Variants in AP1M1 observed in about 807,000 individuals in gnomAD.
The protein encoded by AP1M1 is AP-1 complex subunit mu-1.
AP1M1 carries 18 observed loss-of-function variants against 57.1 expected under a neutral mutation model. The ratio of observed to expected loss-of-function variants is 0.32; its 90% CI spans 0.22 to 0.47. AP1M1 has a LOEUF of 0.47. Among genes scored for constraint, AP1M1 ranks in the 20% least tolerant of loss-of-function variants. AP1M1 has a pLI of 1.00. For synonymous variants in AP1M1, 241 were observed against 237.9 expected (o/e 1.01, Z -0.12); for missense variants, 362 against 593.5 (o/e 0.61, Z 4.05).
At position 16,206,875 on chromosome 19, in the gene AP1M1, G is replaced by A. The variant is rs936838888; in HGVS notation, c.267+467G>A. Among the ~76,000 whole-genome samples the A allele has an allele frequency of 2.0e-5, 3 of 152,176 alleles. No homozygotes were observed. The highest frequency in any genetic ancestry group is 7.2e-5 in the African/African-American group (3 of 41,446). On this transcript the variant is annotated intron_variant, in intron 3 of 11. Coordinates refer to ENST00000291439, the MANE Select transcript of AP1M1 (RefSeq NM_032493.4). This position sits in a 1 kb window ranked among gnomAD's most constrained non-coding sequence, Gnocchi z 4.3. ...GTGAGACACAGATAGCAGCCAGGGT[G>A]AAGGCGCCAGGACAGGTGTATGTGT...
At position 16,226,451 on chromosome 19, in the gene AP1M1, G is replaced by A. The variant is rs769670450; in HGVS notation, c.577G>A (p.Glu193Lys). Residue 193 changes from glutamate (E) to lysine (K), a missense_variant, in exon 6 of 12, where the codon GAG becomes AAG. Physicochemically the swap from Glu to Lys is moderately conservative, Grantham distance 56. Transcript: ENST00000291439. ...CGCCAACGGCAATGTCCTGCGCAGC[G>A]AGATCGTGGGCTCCATCAAGATGCG... ...VSANGNVLRSEIVGSIKMRVF... is the reference protein window; with the variant it reads ...VSANGNVLRSKIVGSIKMRVF... 6.4e-7 allele frequency: 1 copy of A among 1,567,196 alleles called. No homozygotes were observed. The highest frequency in any genetic ancestry group is 8.6e-7 in the Non-Finnish European group (1 of 1,157,590).
rs1599470581 is a variant in AP1M1 at position 16,238,915 on chromosome 19, G to A, written c.*4480G>A. The A allele has an allele frequency of 6.6e-6, 1 of 151,160 alleles. No homozygotes were observed. Among genetic ancestry groups the A allele is most frequent in the East Asian group, 1.9e-4 (1 of 5,134 alleles). 9.4% of individuals were successfully genotyped at this position (151,160 alleles called of 1,614,324 possible). The stretch of plus-strand genomic sequence containing the variant: ...TGTAGTTCTTAATATACTTTTTGTA[G>A]TTTTTTTGTTTTTTGTTTTTGTTTT... On this transcript the variant is annotated 3_prime_UTR_variant, in exon 12 of 12. Coordinates refer to ENST00000291439, the MANE Select transcript of AP1M1 (RefSeq NM_032493.4).
chr19:16,210,209 GT>G, intron 5 of AP1M1: 1 of 564,956 alleles, frequency 1.8e-6, no homozygotes, highest in Non-Finnish European at 3.2e-6. Flanking sequence ...TCAAAAGTCT[GT>G]TCCCTTTTAT....
In AP1M1 at chr19:16,228,419, C is replaced by T. The variant is rs1319522028; in HGVS notation, c.888+211C>T. Among the ~76,000 whole-genome samples, 1 of 152,178 alleles carries T rather than the reference C, an allele frequency of 6.6e-6. No homozygotes were observed. Among genetic ancestry groups the T allele is most frequent in the Non-Finnish European group, 1.5e-5 (1 of 68,032 alleles). ...GGGGAGGGGCCTGTAGCCAGGCATC[C>T]AGGACACTCCCAGAGGTGTTGCCCC... is the stretch of plus-strand genomic sequence containing the variant. On this transcript the variant is annotated intron_variant, in intron 8 of 11. Transcript: ENST00000291439. This position sits in a 1 kb window ranked among gnomAD's most constrained non-coding sequence, Gnocchi z 5.0.
At chr19:16,209,241 G>A (rs1254296085) in intron 5 of AP1M1, 64 bp downstream of exon 5, 2 of 1,578,524 alleles carry the variant, frequency 1.3e-6, no homozygotes, top group Non-Finnish European at 1.7e-6. Flanking sequence ...AATAAACACA[G>A]CATTTTAAAA....
At chr19:16,211,305 G>C (rs565538528) in intron 5 of AP1M1, among the ~76,000 whole-genome samples, 1 of 152,076 alleles carries the variant, frequency 6.6e-6, no homozygotes, top group African/African-American at 2.4e-5. Flanking sequence ...TGTTGGTCAG[G>C]GTGGTATCGA....
chr19:16,206,126 T>C lies in AP1M1; in HGVS notation c.200-215T>C, dbSNP rs2091468462. Reference sequence around the variant, plus strand: ...ATTCTCCATCTCAGTGAGTGCTCCCTGGGGCCTGGGAGCGCATCTGGCTGG... The same window carrying C: ...ATTCTCCATCTCAGTGAGTGCTCCCCGGGGCCTGGGAGCGCATCTGGCTGG... On this transcript the variant is annotated intron_variant, in intron 2 of 11. Transcript: ENST00000291439. This position sits in a 1 kb window ranked among gnomAD's most constrained non-coding sequence, Gnocchi z 4.3. 1.3e-5 allele frequency among the ~76,000 whole-genome samples: 2 copies of C among 152,134 alleles called. No individual in the cohort carries two copies. Among genetic ancestry groups the C allele is most frequent in the Admixed American group, 6.5e-5 (1 of 15,278 alleles).
intron 1 of AP1M1, chr19:16,198,435 C>T (rs2091433560): frequency 6.0e-6 from 1 of 166,290 alleles, no homozygotes; most frequent in Admixed American, 6.4e-5. Context: ...CTGCGCGACC[C>T]TTGGCCGGGG....
At chr19:16,198,897 T>A (rs2091436128) in intron 1 of AP1M1, among the ~76,000 whole-genome samples, 1 of 151,890 alleles carries the variant, frequency 6.6e-6, no homozygotes, top group Non-Finnish European at 1.5e-5. Context: ...AACCTCCGCC[T>A]CCCGGGTTCA....
At chr19:16,210,125 A>C (rs1202100355) in intron 5 of AP1M1, among the ~76,000 whole-genome samples, 1 of 152,224 alleles carries the variant, frequency 6.6e-6, no homozygotes, top group Non-Finnish European at 1.5e-5. Flanking sequence ...TCATACAGTC[A>C]TGAGCTCTCG....
chr19:16,206,480 C>A lies in AP1M1; in HGVS notation c.267+72C>A. ...GGCTCTGCTTGTGGACCTCCCCATA[C>A]CTGGCCACCCTACAGAGAGCTGTGG... On this transcript the variant is annotated intron_variant, in intron 3 of 11. Coordinates refer to ENST00000291439, the MANE Select transcript of AP1M1 (RefSeq NM_032493.4). The surrounding 1 kb of genome is among the most constrained non-coding windows in gnomAD (Gnocchi z 4.3). 6.7e-7 allele frequency: 1 copy of A among 1,498,992 alleles called. No homozygotes were observed. The highest frequency in any genetic ancestry group is 9.3e-7 in the Non-Finnish European group (1 of 1,077,556). The allele number at this position is 1,498,992 out of a possible 1,614,324, so 92.9% of individuals were successfully genotyped here.
chr19:16,239,387 CAT>C lies in AP1M1; in HGVS notation c.*4954_*4955del, dbSNP rs1268904033. Reference sequence around the variant, plus strand: ...AGGAGTTTAAGGACAGCCTGGGCAACATAGTGAGACCCTGTCTCTAAAACAAA... The same window carrying C: ...AGGAGTTTAAGGACAGCCTGGGCAACAGTGAGACCCTGTCTCTAAAACAAA... On this transcript the variant is annotated 3_prime_UTR_variant, in exon 12 of 12. Transcript: ENST00000291439. The C allele has an allele frequency of 6.7e-6, 1 of 150,292 alleles. No homozygotes were observed. Among genetic ancestry groups the C allele is most frequent in the Non-Finnish European group, 1.5e-5 (1 of 67,818 alleles). The allele number at this position is 150,292 out of a possible 1,614,324, so 9.3% of individuals were successfully genotyped here. A position where few individuals can be genotyped will look rare whatever the true frequency, so the allele number is the denominator to read the frequency against.
rs138249189 is a variant in AP1M1 at position 16,200,445 on chromosome 19, TGAG to T, written c.42+2381_42+2383del. 6.1e-3 allele frequency among the ~76,000 whole-genome samples: 924 copies of T among 152,240 alleles called. 20 individuals carry two copies. Among genetic ancestry groups the T allele is most frequent in the African/African-American group, 0.02 (848 of 41,548 alleles). The stretch of plus-strand genomic sequence containing the variant: ...CTTCAGTTCCAACCAGGAGCCACCG[TGAG>T]GAGACCGTAGCCCAGAGAGGCATGA... On this transcript the variant is annotated intron_variant, in intron 1 of 11. Transcript: ENST00000291439.
At chr19:16,199,779 G>A (rs933481413) in intron 1 of AP1M1, among the ~76,000 whole-genome samples, 5 of 152,176 alleles carry the variant, frequency 3.3e-5, no homozygotes, top group Admixed American at 2.6e-4. Context: ...GAGTCCTGGT[G>A]GAATGAGTCT....
At chr19:16,217,585 A>G (rs953928780) in intron 5 of AP1M1, among the ~76,000 whole-genome samples, 3 of 152,078 alleles carry the variant, frequency 2.0e-5, no homozygotes, top group Non-Finnish European at 2.9e-5. Context: ...GCCGCCCCCA[A>G]GAGGTACCTG....
At position 16,214,965 on chromosome 19, in the gene AP1M1, T is replaced by C. The variant is rs773782681; in HGVS notation, c.546+5788T>C. On this transcript the variant is annotated intron_variant, in intron 5 of 11. Transcript: ENST00000291439. ...GGTTTTGCCATGTTTCCCAGGCTAG[T>C]CTCAGACTCCTGGATTCAGGCACTC... Among the ~76,000 whole-genome samples the C allele has an allele frequency of 3.3e-4, 50 of 150,940 alleles. 1 individual carries two copies. Among genetic ancestry groups the C allele is most frequent in the Admixed American group, 6.6e-5 (1 of 15,160 alleles).
At chr19:16,221,886 A>G (rs911764118) in intron 5 of AP1M1, among the ~76,000 whole-genome samples, 1 of 152,138 alleles carries the variant, frequency 6.6e-6, no homozygotes, top group African/African-American at 2.4e-5. Context: ...GGGTTTCTCC[A>G]TGTCGATCAG....
intron 1 of AP1M1, 65 bp downstream of exon 1, chr19:16,198,133 C>G: frequency 1.9e-6 from 3 of 1,576,012 alleles, no homozygotes; most frequent in Non-Finnish European, 2.6e-6. Context: ...CCGCGGGGAC[C>G]CACCCTGTTG....
intron 5 of AP1M1, among the ~76,000 whole-genome samples, chr19:16,218,862 CTT>C (rs2091530091): frequency 6.6e-6 from 1 of 152,166 alleles, no homozygotes; most frequent in African/African-American, 2.4e-5. Flanking sequence ...TCTTTTATCT[CTT>C]TTGCTTTACG....
Sources: allele counts gnomAD v4.1 joint callset (sites outside exome capture counted in the v4.1 genomes callset), GRCh38; gene constraint gnomAD v4.1.1; non-coding constraint Gnocchi (gnomAD v3.1); transcripts MANE v1.5; gene names NCBI Gene and HGNC (gene_info 2026-07-23, HGNC 2026-07-21).